MYOF: variants seen among roughly 807,000 people sequenced by gnomAD.
MYOF encodes the protein fer-1-like 3, myoferlin.
Under a neutral mutation model 284.2 loss-of-function variants are expected in MYOF, and 244 were observed. That is an observed-to-expected ratio of 0.86 (90% CI 0.77 to 0.95). MYOF has a LOEUF of 0.95. MYOF is among the 40% of genes least tolerant of loss of function. MYOF has a pLI of 0.00. For synonymous variants in MYOF, 904 were observed against 919.7 expected, an observed-to-expected ratio of 0.98 and a Z score of 0.31; for missense variants, 2,496 against 2,560.6, an observed-to-expected ratio of 0.97 and a Z score of 0.54.
At chr10:93,394,309 C>T (rs1038817546) in intron 16 of MYOF, among the ~76,000 whole-genome samples, 3 of 151,952 alleles carry the variant, frequency 2.0e-5, no homozygotes, top group African/African-American at 4.8e-5. Context: ...ACCATGTTGG[C>T]CAGCCTGGTC....
intron 4 of MYOF, among the ~76,000 whole-genome samples, chr10:93,428,521 ATACAC>A (rs1848696366): frequency 6.6e-6 from 1 of 151,568 alleles, no homozygotes; most frequent in Non-Finnish European, 1.5e-5. Flanking sequence ...GTGAATTTAA[ATACAC>A]ATCCTATGCT....
chr10:93,361,936 C>G (rs1356443930), intron 27 of MYOF, among the ~76,000 whole-genome samples: 2 of 152,130 alleles, frequency 1.3e-5, no homozygotes, highest in Non-Finnish European at 2.9e-5. Flanking sequence ...GTAAAACATT[C>G]AAGACACATG....
chr10:93,438,019 C>CG (rs1296016618), intron 3 of MYOF, among the ~76,000 whole-genome samples: 1 of 152,154 alleles, frequency 6.6e-6, no homozygotes, highest in Non-Finnish European at 1.5e-5. Context: ...GAATCCTACT[C>CG]GGTCAGTTTA....
chr10:93,413,478 A>T (rs1374225185), intron 5 of MYOF, among the ~76,000 whole-genome samples: 1 of 152,222 alleles, frequency 6.6e-6, no homozygotes, highest in Non-Finnish European at 1.5e-5. Context: ...CTGTGTCATG[A>T]GTGAAATGCT....
chr10:93,386,297 T>C (rs1471968135), intron 19 of MYOF, among the ~76,000 whole-genome samples: 1 of 152,310 alleles, frequency 6.6e-6, no homozygotes, highest in East Asian at 1.9e-4. Flanking sequence ...CTTTTTTCCT[T>C]TTCTTAATTT....
At chr10:93,444,176 C>T (rs1564724049) in intron 3 of MYOF, among the ~76,000 whole-genome samples, 1 of 152,224 alleles carries the variant, frequency 6.6e-6, no homozygotes, top group Non-Finnish European at 1.5e-5. Context: ...AGTGAGCTGA[C>T]AGGACAGCTG....
chr10:93,334,000 TG>T, intron 41 of MYOF, 87 bp from the exon 42 acceptor site: 1 of 1,386,860 alleles, frequency 7.2e-7, no homozygotes, highest in South Asian at 1.3e-5. Context: ...GCCAGGGGTG[TG>T]GGATTGAAGG....
At chr10:93,349,001 A>C (rs1052175427) in intron 36 of MYOF, among the ~76,000 whole-genome samples, 1 of 152,152 alleles carries the variant, frequency 6.6e-6, no homozygotes, top group Non-Finnish European at 1.5e-5. Context: ...AGGTTAAAGC[A>C]CGTGACCCTA....
chr10:93,355,691 G>C lies in MYOF; in HGVS notation c.3340C>G (p.Gln1114Glu), dbSNP rs532323862. The C allele has an allele frequency of 3.0e-5, 49 of 1,613,440 alleles. No individual in the cohort carries two copies. In the African/African-American group the frequency reaches 4.1e-4, roughly 14 times the overall value. ...AACACAGTGGTGGCACTGTGCTTCT[G>C]TTTCTCCAGGCTCTTCTCATCCCCA... is the stretch of plus-strand genomic sequence containing the variant. ...EDGDEKSLEK[Q>E]KHSATTVFGA... Residue 1114 changes from glutamine (Q) to glutamate (E), a missense_variant, in exon 31 of 54, where the codon CAG (glutamine) becomes GAG (glutamate). Physicochemically the swap from Gln to Glu is conservative, Grantham distance 29. This residue lies in a region of MYOF where 2,436 missense variants were observed against 2,480.7 expected (regional missense o/e 0.98). Coordinates refer to ENST00000359263, the MANE Select transcript of MYOF (RefSeq NM_013451.4).
chr10:93,348,095 C>T (rs948155246), intron 36 of MYOF, among the ~76,000 whole-genome samples: 10 of 152,108 alleles, frequency 6.6e-5, no homozygotes, highest in African/African-American at 1.9e-4. Flanking sequence ...AGTACCTGAC[C>T]CATGCTGTGT....
In MYOF at chr10:93,336,035, A is replaced by C; in HGVS notation, c.4449T>G (p.Cys1483Trp). ...CAAATTCTGCTACATTTTCTAGTTC[A>C]CAATTATATATCTGAAAACCACCAA... ...KGYSKLKIYN[C>W]ELENVAEFEG... The change falls in exon 41 of 54, where the codon TGT (cysteine) becomes TGG (tryptophan). Residue 1483 changes from cysteine (C) to tryptophan (W), a missense_variant. Coordinates refer to ENST00000359263, the MANE Select transcript of MYOF (RefSeq NM_013451.4). 6.2e-7 allele frequency: 1 copy of C among 1,613,672 alleles called. No individual in the cohort carries two copies. Among genetic ancestry groups the C allele is most frequent in the Non-Finnish European group, 8.5e-7 (1 of 1,179,878 alleles).
intron 7 of MYOF, among the ~76,000 whole-genome samples, chr10:93,408,271 C>T (rs1410154952): frequency 6.6e-6 from 1 of 152,018 alleles, no homozygotes; most frequent in African/African-American, 2.4e-5. Flanking sequence ...AAATGCTGGC[C>T]GGGCGCGGTG....
chr10:93,334,953 C>T (rs1309053153), intron 41 of MYOF, among the ~76,000 whole-genome samples: 6 of 152,188 alleles, frequency 3.9e-5, no homozygotes, highest in Non-Finnish European at 8.8e-5. Context: ...TATAAAGCAG[C>T]AGCAGCACAT....
chr10:93,449,717 C>T (rs2056537003), intron 3 of MYOF, among the ~76,000 whole-genome samples: 1 of 152,096 alleles, frequency 6.6e-6, no homozygotes, highest in Admixed American at 6.5e-5. Context: ...TTTCTAACTC[C>T]TGGGCTCAAG....
intron 41 of MYOF, among the ~76,000 whole-genome samples, chr10:93,335,096 C>T (rs371672131): frequency 1.6e-4 from 24 of 152,236 alleles, no homozygotes; most frequent in South Asian, 1.0e-3. Context: ...GTCACGCTGC[C>T]CGAAGCAATC....
At chr10:93,317,841 G>A (rs1842683536) in intron 49 of MYOF, among the ~76,000 whole-genome samples, 1 of 152,182 alleles carries the variant, frequency 6.6e-6, no homozygotes, top group Non-Finnish European at 1.5e-5. Context: ...AGTGAAAAGG[G>A]AATTTCCCAG....
intron 38 of MYOF, 121 bp downstream of exon 38, chr10:93,343,735 A>G (rs1844038538): frequency 1.0e-6 from 1 of 1,001,892 alleles, no homozygotes; most frequent in Admixed American, 1.9e-5. Context: ...TCCTCAATAA[A>G]TGGATTGGCT....
At chr10:93,357,576 G>A (rs74150210) in intron 29 of MYOF, among the ~76,000 whole-genome samples, 7,132 of 152,126 alleles carry the variant, frequency 0.047, 400 homozygotes, top group African/African-American at 0.14. Flanking sequence ...AAATATGACT[G>A]GATTTAATAA....
rs758080232 is a variant in MYOF at position 93,366,545 on chromosome 10, T to C, written c.2600A>G (p.Gln867Arg). 9.3e-6 allele frequency: 15 copies of C among 1,604,504 alleles called. No individual in the cohort carries two copies. Among genetic ancestry groups the C allele is most frequent in the Non-Finnish European group, 1.3e-5 (15 of 1,177,158 alleles). Residue 867 changes from glutamine (Q) to arginine (R), a missense_variant, in exon 26 of 54, where the codon CAA becomes CGA. By Grantham distance (43) the Gln-to-Arg change is conservative. Transcript: ENST00000359263. ...ACCCCATTTTCCAAACATGAGAGCT[T>C]GATTTTCATACTATTAAAAAAGAGA... The part of the protein sequence containing the change: ...FTVFAEMYEN[Q>R]ALMFGKWGTS...
Sources: gnomAD v4.1 joint callset for allele counts (sites outside exome capture counted in the v4.1 genomes callset) on GRCh38, gnomAD v4.1.1 for gene constraint, gnomAD v4.1.1 regional missense constraint, MANE v1.5 for transcripts, NCBI Gene and HGNC (gene_info 2026-07-23, HGNC 2026-07-21) for gene names.